Variants in FRMD4A observed in about 807,000 individuals in gnomAD.
FRMD4A encodes FERM domain containing 4A.
FRMD4A carries 29 observed loss-of-function variants against 129.1 expected under a neutral mutation model. That is an observed-to-expected ratio of 0.22 (90% CI 0.17 to 0.31). The LOEUF (loss-of-function observed/expected upper bound fraction) is 0.31, where lower values mean the gene tolerates loss of function less well. Ranked by LOEUF, FRMD4A falls within the 10% of genes least tolerant of loss-of-function variation. The pLI, the probability that FRMD4A is intolerant of heterozygous loss-of-function variation, is 1.00. For missense variants in FRMD4A, 1,272 were observed against 1,375.8 expected (o/e 0.92, Z 1.19); for synonymous variants, 634 against 571.6 (o/e 1.11, Z -1.56).
chr10:13,845,897 C>A (rs989542040), intron 3 of FRMD4A, among the ~76,000 whole-genome samples: 1 of 152,236 alleles, frequency 6.6e-6, no homozygotes, highest in South Asian at 2.1e-4. Flanking sequence ...CAACCGGCCC[C>A]AGAGCCTGTG....
intron 2 of FRMD4A, chr10:13,870,870 G>C (rs1040906218): frequency 6.6e-6 from 1 of 152,316 alleles, no homozygotes; most frequent in Non-Finnish European, 1.5e-5. Context: ...TATAACAATA[G>C]AACTCAACTC....
At chr10:14,240,011 A>G (rs1296167174) in intron 2 of FRMD4A, among the ~76,000 whole-genome samples, 1 of 152,216 alleles carries the variant, frequency 6.6e-6, no homozygotes, top group African/African-American at 2.4e-5. Context: ...TGAACTGTAA[A>G]TCAAATCATG....
At chr10:14,063,602 CA>C (rs1834918923) in intron 2 of FRMD4A, among the ~76,000 whole-genome samples, 2 of 151,430 alleles carry the variant, frequency 1.3e-5, no homozygotes, top group African/African-American at 4.9e-5. Context: ...CAACTTTAGA[CA>C]TACTCTTTGT....
At chr10:13,998,497 T>A (rs1286086606) in intron 2 of FRMD4A, among the ~76,000 whole-genome samples, 1 of 152,196 alleles carries the variant, frequency 6.6e-6, no homozygotes, top group African/African-American at 2.4e-5. Context: ...TCCTACTGTA[T>A]ATCTCCATTT....
At chr10:14,000,862 ACT>A (rs999532257) in intron 2 of FRMD4A, among the ~76,000 whole-genome samples, 2 of 151,880 alleles carry the variant, frequency 1.3e-5, no homozygotes, top group African/African-American at 4.8e-5. Flanking sequence ...ACAATTCTAG[ACT>A]CTATGACTTC....
intron 2 of FRMD4A, among the ~76,000 whole-genome samples, chr10:14,268,086 A>G (rs1845040587): frequency 6.6e-6 from 1 of 152,226 alleles, no homozygotes; most frequent in South Asian, 2.1e-4. Flanking sequence ...CTGGAACATG[A>G]TCAAAAGAGT....
chr10:13,803,228 G>T (rs529575161), intron 4 of FRMD4A, among the ~76,000 whole-genome samples: 1 of 152,136 alleles, frequency 6.6e-6, no homozygotes, highest in Admixed American at 6.5e-5. Flanking sequence ...TTAAAGTAGG[G>T]TATATACTGG....
intron 12 of FRMD4A, among the ~76,000 whole-genome samples, chr10:13,733,710 A>C (rs942726236): frequency 6.6e-5 from 10 of 152,200 alleles, no homozygotes; most frequent in African/African-American, 2.4e-4. Flanking sequence ...TACAGGCGTG[A>C]GCCACCTCAC....
chr10:13,715,033 C>T (rs543952101), intron 12 of FRMD4A, among the ~76,000 whole-genome samples: 19 of 141,750 alleles, frequency 1.3e-4, no homozygotes, highest in African/African-American at 3.8e-4. Flanking sequence ...AGGAAGACTC[C>T]GTCTCAAAAA....
At chr10:14,134,877 A>T (rs1839455632) in intron 2 of FRMD4A, among the ~76,000 whole-genome samples, 1 of 152,208 alleles carries the variant, frequency 6.6e-6, no homozygotes, top group African/African-American at 2.4e-5. Flanking sequence ...CAGAAGACTT[A>T]CCAAAGATAA....
intron 3 of FRMD4A, among the ~76,000 whole-genome samples, chr10:13,828,283 A>G (rs1262534137): frequency 6.6e-6 from 1 of 152,078 alleles, no homozygotes; most frequent in East Asian, 1.9e-4. Flanking sequence ...CATCCGTTGT[A>G]CCCATTAGGT....
intron 2 of FRMD4A, among the ~76,000 whole-genome samples, chr10:13,877,398 C>T (rs1227868201): frequency 6.6e-6 from 1 of 152,212 alleles, no homozygotes; most frequent in Non-Finnish European, 1.5e-5. Flanking sequence ...ACTCCAGTGA[C>T]ACCCTTAAAT....
At chr10:13,925,420 T>C (rs1409925152) in intron 2 of FRMD4A, among the ~76,000 whole-genome samples, 1 of 152,194 alleles carries the variant, frequency 6.6e-6, no homozygotes, top group African/African-American at 2.4e-5. Context: ...CTGTTCTTGG[T>C]CATTCAAACC....
chr10:13,654,669 T>C (rs2081985813), intron 22 of FRMD4A, 157 bp from the exon 23 acceptor site: 2 of 606,234 alleles, frequency 3.3e-6, no homozygotes, highest in Non-Finnish European at 5.9e-6. Flanking sequence ...AGCATCCCTA[T>C]GGCATGGTCA....
intron 3 of FRMD4A, among the ~76,000 whole-genome samples, chr10:13,852,304 C>T (rs1285334251): frequency 2.0e-5 from 3 of 151,312 alleles, no homozygotes; most frequent in Non-Finnish European, 4.4e-5. Context: ...AGTGCAGTGG[C>T]GTGACCTCGA....
chr10:14,237,860 G>A (rs752310657), intron 2 of FRMD4A, among the ~76,000 whole-genome samples: 19 of 152,296 alleles, frequency 1.2e-4, no homozygotes, highest in African/African-American at 3.1e-4. Flanking sequence ...GGCTGCTGGC[G>A]AGGGTCCTCC....
chr10:13,659,383 G>C lies in FRMD4A; in HGVS notation c.2006C>G (p.Ser669Cys). The C allele has an allele frequency of 6.2e-7, 1 of 1,614,068 alleles. No individual in the cohort carries two copies. Among genetic ancestry groups the C allele is most frequent in the Non-Finnish European group, 8.5e-7 (1 of 1,179,912 alleles). Residue 669 changes from serine (S) to cysteine (C), a missense_variant, in exon 21 of 25, where the codon TCC (serine) becomes TGC (cysteine). Ser to Cys is a moderately radical substitution (Grantham distance 112, BLOSUM62 -1). Transcript: ENST00000357447. ...CAGGTCTGGCGTGGACGGCATGCTG[G>C]ACTGGGAGTTCCAGTGCGGGAGGCC... The part of the protein sequence containing the change: ...IRGLPHWNSQ[S>C]SMPSTPDLRV...
chr10:14,250,171 G>C (rs145916529), intron 2 of FRMD4A, among the ~76,000 whole-genome samples: 9,837 of 152,224 alleles, frequency 0.065, 396 homozygotes, highest in Non-Finnish European at 0.09. Context: ...ATGTTGGCCA[G>C]GTTGGTCTTG....
intron 2 of FRMD4A, among the ~76,000 whole-genome samples, chr10:13,863,760 T>TC (rs2094325804): frequency 6.6e-6 from 1 of 150,786 alleles, no homozygotes; most frequent in South Asian, 2.1e-4. Flanking sequence ...TTACTTTTTT[T>TC]TTCAGTTAAA....
Sources: gnomAD v4.1 joint callset for allele counts (sites outside exome capture counted in the v4.1 genomes callset) on GRCh38, gnomAD v4.1.1 for gene constraint, MANE v1.5 for transcripts, NCBI Gene and HGNC (gene_info 2026-07-23, HGNC 2026-07-21) for gene names.